Variants in SLC17A1 observed in about 807,000 individuals in gnomAD.
The protein encoded by SLC17A1 is solute carrier family 17 member 1, also known as sodium-dependent phosphate transport protein 1.
Under a neutral mutation model 53.5 loss-of-function variants are expected in SLC17A1, and 51 were observed. The ratio of observed to expected loss-of-function variants is 0.95; its 90% confidence interval spans 0.76 to 1.20. The LOEUF (loss-of-function observed/expected upper bound fraction) is 1.20. Ranked by LOEUF, SLC17A1 falls within the 50% of genes most tolerant of loss-of-function variation. The pLI is 0.00. For synonymous variants in SLC17A1, 179 were observed against 198.8 expected (o/e 0.90, Z 0.84); for missense variants, 538 against 568.2 (o/e 0.95, Z 0.54).
At chr6:25,817,134 C>G (rs778456698) in intron 6 of SLC17A1, among the ~76,000 whole-genome samples, 4 of 152,166 alleles carry the variant, frequency 2.6e-5, no homozygotes, top group Non-Finnish European at 5.9e-5. Flanking sequence ...CAGGCGTGAG[C>G]CACTGTGCCC....
At chr6:25,771,079 T>A in the SLC17A1 span, 1 of 1,278,890 alleles carries the variant, frequency 7.8e-7, no homozygotes, top group Non-Finnish European at 1.1e-6. Flanking sequence ...TATCTATGGT[T>A]AACCAAATCC....
the SLC17A1 span, among the ~76,000 whole-genome samples, chr6:25,737,103 G>A: frequency 6.6e-6 from 1 of 152,180 alleles, no homozygotes; most frequent in South Asian, 2.1e-4. Flanking sequence ...AAGCCTACCA[G>A]GTTAGGAGGA....
Position 25,798,816 on chromosome 6 carries a change from C to A in SLC17A1, c.1373G>T (p.Trp458Leu), listed in dbSNP as rs1047528352. The A allele has an allele frequency of 8.7e-6, 14 of 1,609,506 alleles. No individual in the cohort carries two copies. Among genetic ancestry groups the A allele is most frequent in the Non-Finnish European group, 1.1e-5 (13 of 1,177,200 alleles). ...ACGTGTGTGTTGTTTTTCTTTAGCC[C>A]AGTCCTGAATTTCTGCTGTAGCAAC... ...LIVATAEIQD[W>L]AKEKQHTRL The change falls in exon 12 of 13, where the codon TGG becomes TTG. Residue 458 changes from tryptophan to leucine, a missense_variant. Trp to Leu is a moderately conservative substitution (Grantham distance 61). Coordinates refer to ENST00000244527, the MANE Select transcript of SLC17A1 (RefSeq NM_005074.5).
the SLC17A1 span, chr6:25,761,821 A>G: frequency 1.6e-6 from 1 of 629,446 alleles, no homozygotes; most frequent in Non-Finnish European, 2.7e-6. Flanking sequence ...ACCCTAATCT[A>G]CCACTTTTCT....
intron 2 of SLC17A1, among the ~76,000 whole-genome samples, chr6:25,829,420 C>T (rs1194220382): frequency 3.3e-5 from 5 of 152,226 alleles, no homozygotes; most frequent in Admixed American, 2.6e-4. Flanking sequence ...CCAGCCCTTC[C>T]TTTGATTTGC....
intron 1 of SLC17A1, among the ~76,000 whole-genome samples, chr6:25,831,162 T>C (rs1294368147): frequency 2.6e-5 from 4 of 152,176 alleles, no homozygotes; most frequent in Non-Finnish European, 5.9e-5. Flanking sequence ...GTATCTTCAG[T>C]TTCCGTGGAT....
rs1305738113 is a variant in SLC17A1, at chr6:25,819,513, G to T, written c.527C>A (p.Ser176Ter). 1 of 1,609,010 alleles carries T rather than the reference G, an allele frequency of 6.2e-7. No individual in the cohort carries two copies. Among genetic ancestry groups the T allele is most frequent in the Admixed American group, 1.7e-5 (1 of 60,004 alleles). The change falls in exon 5 of 13, where the codon TCA (serine) becomes TAA (stop). Residue 176 changes from serine (S) to a stop codon, truncating the protein, a stop_gained and splice_region_variant. Transcript: ENST00000244527. LOFTEE classifies it high-confidence loss of function. ...CATTCTAGGCTTTAATTCTTTACCT[G>T]ATGTACTCATAGAAGTAAGTCGGCC... ...ERGRLTSMST[S>*]GFLLGPFIVL... is the part of the protein sequence containing the mutation.
intron 12 of SLC17A1, among the ~76,000 whole-genome samples, chr6:25,792,031 G>C (rs1488506880): frequency 1.3e-5 from 2 of 152,168 alleles, no homozygotes; most frequent in Non-Finnish European, 2.9e-5. Context: ...AATTCTTCAA[G>C]ATGGATCCCA....
chr6:25,798,498 C>T (rs1763653896), intron 12 of SLC17A1: 2 of 269,328 alleles, frequency 7.4e-6, no homozygotes, highest in South Asian at 1.6e-4. Context: ...ACTGTTCTTC[C>T]TACTTCGTTG....
At chr6:25,817,069 G>A (rs112530146) in intron 6 of SLC17A1, among the ~76,000 whole-genome samples, 4,235 of 151,782 alleles carry the variant, frequency 0.028, 170 homozygotes, top group African/African-American at 0.092. Flanking sequence ...GGCTGGTCCC[G>A]AACTCCTGAC....
At chr6:25,795,572 CAAT>C (rs953704028) in intron 12 of SLC17A1, among the ~76,000 whole-genome samples, 3 of 151,916 alleles carry the variant, frequency 2.0e-5, no homozygotes, top group African/African-American at 4.8e-5. Context: ...TTTTTAATGA[CAAT>C]AACTGCAGTT....
intron 10 of SLC17A1, among the ~76,000 whole-genome samples, chr6:25,804,627 GT>G (rs1390562778): frequency 6.6e-6 from 1 of 152,080 alleles, no homozygotes; most frequent in East Asian, 1.9e-4. Context: ...AATATTTGCT[GT>G]CTTAAAGAGA....
intron 10 of SLC17A1, among the ~76,000 whole-genome samples, chr6:25,801,230 A>G (rs1763749409): frequency 2.0e-5 from 3 of 152,216 alleles, no homozygotes; most frequent in African/African-American, 7.2e-5. Flanking sequence ...TTTAGAGTGA[A>G]ACCCAGTAGA....
At chr6:25,795,009 G>A (rs1233753355) in intron 12 of SLC17A1, among the ~76,000 whole-genome samples, 1 of 152,216 alleles carries the variant, frequency 6.6e-6, no homozygotes, top group African/African-American at 2.4e-5. Flanking sequence ...CCTGTGTGCT[G>A]CTGAATGGCT....
intron 6 of SLC17A1, among the ~76,000 whole-genome samples, chr6:25,816,076 T>G (rs1338796602): frequency 6.6e-6 from 1 of 152,150 alleles, no homozygotes; most frequent in Non-Finnish European, 1.5e-5. Context: ...AGCAACTAAC[T>G]TGATTTTCGG....
chr6:25,831,351 A>T (rs1764940705), intron 1 of SLC17A1, among the ~76,000 whole-genome samples: 1 of 152,146 alleles, frequency 6.6e-6, no homozygotes, highest in Non-Finnish European at 1.5e-5. Flanking sequence ...AAAGATACCA[A>T]AGTCCTGAGA....
intron 10 of SLC17A1, among the ~76,000 whole-genome samples, chr6:25,809,234 T>G (rs887986989): frequency 6.6e-6 from 1 of 151,974 alleles, no homozygotes; most frequent in African/African-American, 2.4e-5. Context: ...TAACAGACAT[T>G]AGAGACTTGG....
In SLC17A1 at chr6:25,819,591, A is replaced by G. The variant is rs747332834; in HGVS notation, c.449T>C (p.Val150Ala). 5 of 1,614,028 alleles carry G rather than the reference A, an allele frequency of 3.1e-6. No individual in the cohort carries two copies. The highest frequency in any genetic ancestry group is 1.1e-5 in the South Asian group (1 of 91,070). Reference protein sequence around the residue: ...RAVQGAAQGIVATAQFEIYVK... With the variant: ...RAVQGAAQGIAATAQFEIYVK... ...ATATATTTCAAACTGGGCTGTTGCA[A>G]CTATCCCCTGAAATGAGAAAGGTTT... Residue 150 changes from valine (V) to alanine (A), a missense_variant, in exon 5 of 13, where the codon GTT becomes GCT. Val to Ala is a moderately conservative substitution (Grantham distance 64, BLOSUM62 0). Transcript: ENST00000244527.
chr6:25,777,239 C>A, the SLC17A1 span: 1 of 376,566 alleles, frequency 2.7e-6, no homozygotes, highest in Non-Finnish European at 4.8e-6. Flanking sequence ...AGGAATGCAG[C>A]ACTTGCCTAA....
Sources: gnomAD v4.1 joint callset for allele counts (sites outside exome capture counted in the v4.1 genomes callset) on GRCh38, gnomAD v4.1.1 for gene constraint, MANE v1.5 for transcripts, NCBI Gene and HGNC (gene_info 2026-07-23, HGNC 2026-07-21) for gene names.